Variants in MYO5B observed in about 807,000 individuals in gnomAD.
MYO5B encodes the protein unconventional myosin-Vb.
MYO5B carries 143 observed loss-of-function variants against 229.3 expected under a neutral mutation model. The observed-to-expected ratio is 0.62, with a 90% CI of 0.54 to 0.72. The LOEUF (loss-of-function observed/expected upper bound fraction) is 0.72. Ranked by LOEUF, MYO5B falls within the 30% of genes least tolerant of loss-of-function variation. The probability of loss-of-function intolerance (pLI) is 0.00; values close to 1 mark genes in which losing one functional copy is unlikely to be tolerated. For missense variants in MYO5B, 2,321 were observed against 2,331.0 expected, an observed-to-expected ratio of 1.00 and a Z score of 0.09; for synonymous variants, 918 against 885.2, an observed-to-expected ratio of 1.04 and a Z score of -0.66.
At chr18:49,961,618 C>T (rs371529132) in intron 12 of MYO5B, among the ~76,000 whole-genome samples, 83 of 152,284 alleles carry the variant, frequency 5.5e-4, no homozygotes, top group Middle Eastern at 3.4e-3. Flanking sequence ...ATATATTTAC[C>T]CCTTTTAGCA....
chr18:50,035,448 C>A (rs1035379706), intron 4 of MYO5B, among the ~76,000 whole-genome samples: 3 of 151,822 alleles, frequency 2.0e-5, no homozygotes, highest in African/African-American at 7.3e-5. Context: ...ACATGAAGTG[C>A]ATGTAGACTC....
intron 4 of MYO5B, among the ~76,000 whole-genome samples, chr18:50,031,918 C>T (rs1248556039): frequency 6.6e-6 from 1 of 152,176 alleles, no homozygotes; most frequent in African/African-American, 2.4e-5. Context: ...ACTCAGAAGG[C>T]GTGTCAACAT....
intron 4 of MYO5B, among the ~76,000 whole-genome samples, chr18:50,010,450 C>T (rs556950960): frequency 2.0e-5 from 3 of 152,268 alleles, no homozygotes; most frequent in Admixed American, 6.5e-5. Flanking sequence ...GGGCACTCCT[C>T]GGTGTAAATG....
At chr18:49,889,142 T>C (rs1321823126) in intron 22 of MYO5B, among the ~76,000 whole-genome samples, 1 of 152,246 alleles carries the variant, frequency 6.6e-6, no homozygotes, top group East Asian at 1.9e-4. Flanking sequence ...TAAAATTGTT[T>C]TTTTAAATAA....
At chr18:49,889,508 T>C (rs2024683827) in intron 22 of MYO5B, among the ~76,000 whole-genome samples, 1 of 152,228 alleles carries the variant, frequency 6.6e-6, no homozygotes, top group Non-Finnish European at 1.5e-5. Context: ...AACAAGGCTG[T>C]ACCCTCTGAA....
At chr18:49,911,604 A>T (rs1483652503) in intron 18 of MYO5B, among the ~76,000 whole-genome samples, 1 of 152,198 alleles carries the variant, frequency 6.6e-6, no homozygotes, top group African/African-American at 2.4e-5. Context: ...TGTTGACTCA[A>T]GCTTTTGTTA....
At chr18:50,152,222 G>A (rs1222876395) in intron 1 of MYO5B, among the ~76,000 whole-genome samples, 1 of 152,170 alleles carries the variant, frequency 6.6e-6, no homozygotes, top group African/African-American at 2.4e-5. Flanking sequence ...TGCTGAGGTG[G>A]CAGGCAATAA....
intron 22 of MYO5B, among the ~76,000 whole-genome samples, chr18:49,894,493 A>G (rs1421233984): frequency 5.9e-5 from 9 of 152,174 alleles, no homozygotes; most frequent in African/African-American, 1.9e-4. Flanking sequence ...TGACAGGCTG[A>G]GACTTTAAGT....
chr18:49,864,270 A>C lies in MYO5B; in HGVS notation c.3714T>G (p.Asp1238Glu), dbSNP rs1045489613. 1 of 1,614,050 alleles carries C rather than the reference A, an allele frequency of 6.2e-7. No individual in the cohort carries two copies. The highest frequency in any genetic ancestry group is 1.1e-5 in the South Asian group (1 of 91,094). ...TQNNSSHGSP[D>E]SYSLLLNQLK... Reference sequence around the variant, plus strand: ...GCTGGTTCAGCAGGAGGCTGTAGCTATCTGGGGAGCCGTGGCTGGAGTTAT... The same window carrying C: ...GCTGGTTCAGCAGGAGGCTGTAGCTCTCTGGGGAGCCGTGGCTGGAGTTAT... Residue 1238 changes from aspartate (D) to glutamate (E), a missense_variant, in exon 28 of 40, where the codon GAT (aspartate) becomes GAG (glutamate). This residue lies in a region of MYO5B where 2,113 missense variants were observed against 2,044.7 expected (regional missense o/e 1.03). Transcript: ENST00000285039.
chr18:50,194,898 C>A lies in MYO5B; in HGVS notation c.-105G>T. 1.6e-6 allele frequency: 2 copies of A among 1,216,732 alleles called. No homozygotes were observed. Among genetic ancestry groups the A allele is most frequent in the Non-Finnish European group, 2.0e-6 (2 of 977,804 alleles). 75.4% of individuals were successfully genotyped at this position (1,216,732 alleles called of 1,614,324 possible). A position where few individuals can be genotyped will look rare whatever the true frequency, so the allele number is the denominator to read the frequency against. On this transcript the variant is annotated 5_prime_UTR_variant, in exon 1 of 40. Transcript: ENST00000285039. ...ATGTTCCCGGGCTGGCCTGGAGTTT[C>A]TCGATCTTCTCGCTCTTCTCCGACC...
At chr18:50,063,499 GC>G (rs1464689039) in intron 1 of MYO5B, among the ~76,000 whole-genome samples, 1 of 152,138 alleles carries the variant, frequency 6.6e-6, no homozygotes, top group Non-Finnish European at 1.5e-5. Flanking sequence ...GGTATGCAGA[GC>G]ACCAGGAGAA....
intron 1 of MYO5B, among the ~76,000 whole-genome samples, chr18:50,076,705 G>A (rs2031086342): frequency 6.6e-6 from 1 of 152,116 alleles, no homozygotes. Flanking sequence ...TCCACACCTG[G>A]TCCACTGCCC....
At chr18:49,881,317 T>C (rs1008160456) in intron 22 of MYO5B, among the ~76,000 whole-genome samples, 1 of 152,186 alleles carries the variant, frequency 6.6e-6, no homozygotes, top group Non-Finnish European at 1.5e-5. Context: ...ACCTGTCTTA[T>C]TGGACCAGCA....
At chr18:50,071,456 GCACA>G (rs1404122253) in intron 1 of MYO5B, among the ~76,000 whole-genome samples, 1 of 152,174 alleles carries the variant, frequency 6.6e-6, no homozygotes, top group Non-Finnish European at 1.5e-5. Flanking sequence ...ACGGACGCGT[GCACA>G]CACACTCTAG....
At position 49,825,309 on chromosome 18, in the gene MYO5B, T is replaced by C. The variant is rs1431832310; in HGVS notation, c.*1162A>G. On this transcript the variant is annotated 3_prime_UTR_variant, in exon 40 of 40. Coordinates refer to ENST00000285039, the MANE Select transcript of MYO5B (RefSeq NM_001080467.3). Reference sequence around the variant, plus strand: ...ATATTACTGAATTACTTTTTTAAAATCCTTATTTTGTGGGAGAGATATTTA... The same window carrying C: ...ATATTACTGAATTACTTTTTTAAAACCCTTATTTTGTGGGAGAGATATTTA... 1 of 152,206 alleles carries C rather than the reference T, an allele frequency of 6.6e-6. No individual in the cohort carries two copies. Among genetic ancestry groups the C allele is most frequent in the Admixed American group, 6.5e-5 (1 of 15,284 alleles). The allele number at this position is 152,206 out of a possible 1,614,324, so 9.4% of individuals were successfully genotyped here. A position where few individuals can be genotyped will look rare whatever the true frequency, so the allele number is the denominator to read the frequency against.
At chr18:49,893,701 G>T (rs531708696) in intron 22 of MYO5B, among the ~76,000 whole-genome samples, 1 of 152,214 alleles carries the variant, frequency 6.6e-6, no homozygotes, top group Admixed American at 6.5e-5. Flanking sequence ...GGCCCCTGGA[G>T]ATCCCTGGGG....
At chr18:50,162,713 G>C (rs1026701125) in intron 1 of MYO5B, among the ~76,000 whole-genome samples, 5 of 152,214 alleles carry the variant, frequency 3.3e-5, no homozygotes, top group African/African-American at 1.2e-4. Context: ...ATCATCAACT[G>C]TTTACACAGA....
intron 4 of MYO5B, among the ~76,000 whole-genome samples, chr18:50,018,574 A>G (rs139295023): frequency 8.5e-4 from 129 of 152,294 alleles, no homozygotes; most frequent in African/African-American, 2.9e-3. Flanking sequence ...CACTTTCTGT[A>G]TATCAATTGA....
chr18:49,928,677 T>C (rs1043246806), intron 17 of MYO5B, among the ~76,000 whole-genome samples: 1 of 152,124 alleles, frequency 6.6e-6, no homozygotes, highest in Non-Finnish European at 1.5e-5. Context: ...GGCACAGGCA[T>C]GTTAATAGTA....
Sources: allele counts gnomAD v4.1 joint callset (sites outside exome capture counted in the v4.1 genomes callset), GRCh38; gene constraint gnomAD v4.1.1; regional missense constraint gnomAD v4.1.1; transcripts MANE v1.5; gene names NCBI Gene and HGNC (gene_info 2026-07-23, HGNC 2026-07-21).